Variants in ANO4 observed in about 807,000 individuals in gnomAD.
The protein encoded by ANO4 is anoctamin-4.
Under a neutral mutation model 141.9 loss-of-function variants are expected in ANO4, and 69 were observed. The ratio of observed to expected loss-of-function variants is 0.49; its 90% CI spans 0.40 to 0.59. ANO4 has a LOEUF of 0.59. Among genes scored for constraint, ANO4 ranks in the 20% least tolerant of loss-of-function variants. The probability of loss-of-function intolerance (pLI) is 0.00; values close to 1 mark genes in which losing one functional copy is unlikely to be tolerated. For missense variants in ANO4, 894 were observed against 1,162.2 expected, an observed-to-expected ratio of 0.77 and a Z score of 3.36; for synonymous variants, 350 against 394.3, an observed-to-expected ratio of 0.89 and a Z score of 1.33.
At chr12:100,824,487 A>G (rs2036221346) in intron 1 of ANO4, among the ~76,000 whole-genome samples, 1 of 152,046 alleles carries the variant, frequency 6.6e-6, no homozygotes, top group Admixed American at 6.6e-5. Flanking sequence ...TTGTAGATAT[A>G]CAGATTTTCT....
chr12:100,773,243 G>A (rs1679767158), intron 3 of ANO4, among the ~76,000 whole-genome samples: 1 of 152,160 alleles, frequency 6.6e-6, no homozygotes, highest in Admixed American at 6.5e-5. Context: ...CAGTCATGAA[G>A]GCTGAGCCCC....
intron 5 of ANO4, among the ~76,000 whole-genome samples, chr12:100,967,558 G>A (rs536865624): frequency 8.5e-6 from 1 of 117,692 alleles, no homozygotes; most frequent in Admixed American, 1.0e-4. Flanking sequence ...TTTCCCTTAA[G>A]TATGTAAAGA....
At chr12:100,822,850 A>C (rs886479139) in intron 1 of ANO4, among the ~76,000 whole-genome samples, 1 of 151,846 alleles carries the variant, frequency 6.6e-6, no homozygotes, top group African/African-American at 2.4e-5. Flanking sequence ...TAGGATTCTC[A>C]TGTTTCTCTT....
At chr12:101,097,317 C>T (rs1032364706) in intron 19 of ANO4, among the ~76,000 whole-genome samples, 18 of 152,128 alleles carry the variant, frequency 1.2e-4, no homozygotes, top group Non-Finnish European at 2.4e-4. Flanking sequence ...GACTATTACT[C>T]AGAAAAATCA....
At position 101,128,455 on chromosome 12, in the gene ANO4, A is replaced by G. The variant is rs1342062185; in HGVS notation, c.*599A>G. ...TATGTATAGTCATGTATTCCTGCAT[A>G]TGTACATACAAATACAGAGATATAT... is the stretch of plus-strand genomic sequence containing the variant. On this transcript the variant is annotated 3_prime_UTR_variant, in exon 28 of 28. Coordinates refer to ENST00000392977, the MANE Select transcript of ANO4 (RefSeq NM_001286615.2). The G allele has an allele frequency of 6.6e-6, 1 of 152,616 alleles. No homozygotes were observed. The highest frequency in any genetic ancestry group is 1.5e-5 in the Non-Finnish European group (1 of 68,034). The allele number at this position is 152,616 out of a possible 1,614,324, so 9.5% of individuals were successfully genotyped here.
At chr12:101,027,105 G>A (rs941975511) in intron 9 of ANO4, among the ~76,000 whole-genome samples, 7 of 152,120 alleles carry the variant, frequency 4.6e-5, no homozygotes, top group African/African-American at 7.2e-5. Flanking sequence ...AGTGTGGTGC[G>A]GCAGCCCGTC....
chr12:100,850,021 G>A (rs1313785512), intron 1 of ANO4, among the ~76,000 whole-genome samples: 1 of 152,152 alleles, frequency 6.6e-6, no homozygotes, highest in Non-Finnish European at 1.5e-5. Flanking sequence ...AAGTATTTGA[G>A]AGTACCTGGA....
At chr12:101,047,063 A>G (rs1220036258) in intron 13 of ANO4, among the ~76,000 whole-genome samples, 1 of 152,214 alleles carries the variant, frequency 6.6e-6, no homozygotes, top group Admixed American at 6.5e-5. Context: ...CAGCCTGGCC[A>G]ACATGGTGAA....
intron 22 of ANO4, among the ~76,000 whole-genome samples, chr12:101,104,486 A>G (rs900058604): frequency 6.6e-6 from 1 of 150,982 alleles, no homozygotes; most frequent in Non-Finnish European, 1.5e-5. Flanking sequence ...ATTAGTATCA[A>G]AACATCTAAA....
chr12:100,954,774 G>A (rs530751572), intron 5 of ANO4, among the ~76,000 whole-genome samples: 1 of 152,290 alleles, frequency 6.6e-6, no homozygotes, highest in African/African-American at 2.4e-5. Flanking sequence ...GGGCATGGCT[G>A]AGTAAATCAC....
At chr12:100,796,625 G>C (rs2034340838) in intron 1 of ANO4, among the ~76,000 whole-genome samples, 1 of 145,500 alleles carries the variant, frequency 6.9e-6, no homozygotes, top group Non-Finnish European at 1.5e-5. Flanking sequence ...GAGGTTAACA[G>C]CAAAAAAAAA....
At chr12:101,045,560 G>A (rs2047583764) in intron 13 of ANO4, among the ~76,000 whole-genome samples, 1 of 152,170 alleles carries the variant, frequency 6.6e-6, no homozygotes, top group African/African-American at 2.4e-5. Context: ...AATCAGATTG[G>A]CGCTGGGATC....
intron 3 of ANO4, among the ~76,000 whole-genome samples, chr12:100,745,429 A>T (rs2032059024): frequency 6.6e-6 from 1 of 152,350 alleles, no homozygotes; most frequent in South Asian, 2.1e-4. Context: ...GGCTACCATA[A>T]TAGACGTAAA....
Position 101,097,662 on chromosome 12 carries a change from A to G in ANO4, c.1862A>G (p.His621Arg). 1 of 1,613,782 alleles carries G rather than the reference A, an allele frequency of 6.2e-7. No homozygotes were observed. The highest frequency in any genetic ancestry group is 8.5e-7 in the Non-Finnish European group (1 of 1,179,792). ...TCTGTGTGTTGAAGATTTACAGGAC[A>G]CCCAGGTGCCTACTTGAGGCTGATA... ...IAFFLGRFTG[H>R]PGAYLRLINR... Residue 621 changes from histidine (H) to arginine (R), a missense_variant, in exon 20 of 28, where the codon CAC becomes CGC. Transcript: ENST00000392977.
chr12:100,913,491 A>G (rs1230920215), intron 2 of ANO4, among the ~76,000 whole-genome samples: 4 of 152,084 alleles, frequency 2.6e-5, no homozygotes, highest in African/African-American at 7.3e-5. Flanking sequence ...CATTATTGTT[A>G]TAATTGTTCT....
At chr12:100,880,227 CTGGTATCTG>C (rs1241733772) in intron 1 of ANO4, among the ~76,000 whole-genome samples, 1 of 152,132 alleles carries the variant, frequency 6.6e-6, no homozygotes, top group Non-Finnish European at 1.5e-5. Context: ...GAAATACTGA[CTGGTATCTG>C]AGCTTCTCTA....
chr12:100,925,627 C>CTAATTAAAGTATAATTAA (rs1352972236), intron 3 of ANO4, among the ~76,000 whole-genome samples: 2 of 144,922 alleles, frequency 1.4e-5, no homozygotes, highest in Non-Finnish European at 3.0e-5. Context: ...ACATGTACCC[C>CTAATTAAAGTATAATTAA]AGAACTTAAA....
chr12:100,926,917 A>G (rs1260710900), intron 3 of ANO4, among the ~76,000 whole-genome samples: 1 of 152,078 alleles, frequency 6.6e-6, no homozygotes, highest in Non-Finnish European at 1.5e-5. Flanking sequence ...CAGGGGAGCC[A>G]CCTGAACTGT....
At chr12:101,030,055 A>G (rs1427551078) in intron 9 of ANO4, among the ~76,000 whole-genome samples, 1 of 152,154 alleles carries the variant, frequency 6.6e-6, no homozygotes, top group Admixed American at 6.5e-5. Context: ...TCCACCATCA[A>G]TATTAGACAG....
Sources: gnomAD v4.1 joint callset for allele counts (sites outside exome capture counted in the v4.1 genomes callset) on GRCh38, gnomAD v4.1.1 for gene constraint, MANE v1.5 for transcripts, NCBI Gene and HGNC (gene_info 2026-07-23, HGNC 2026-07-21) for gene names.